The following CTNNA2 variants were observed in gnomAD, a reference collection of about 807,000 sequenced individuals.
CTNNA2 encodes catenin alpha 2, also known as catenin alpha-2.
In CTNNA2, 42 loss-of-function variants were observed where a neutral mutation model predicts 101.0. That is an observed-to-expected ratio of 0.42 (90% CI 0.32 to 0.54). CTNNA2 has a LOEUF of 0.54. Ranked by LOEUF, CTNNA2 falls within the 20% of genes least tolerant of loss-of-function variation. CTNNA2 has a pLI of 0.14. For missense variants in CTNNA2, 871 were observed against 1,223.1 expected, an observed-to-expected ratio of 0.71 and a Z score of 4.29; for synonymous variants, 450 against 456.4, an observed-to-expected ratio of 0.99 and a Z score of 0.18.
chr2:80,596,276 G>GTTTTTTTTT (rs1257706829), intron 15 of CTNNA2, among the ~76,000 whole-genome samples: 1 of 52,268 alleles, frequency 1.9e-5, no homozygotes, highest in Non-Finnish European at 4.1e-5. Context: ...CTGAGACAAG[G>GTTTTTTTTT]TTGTTTTTTT....
intron 14 of CTNNA2, 41 bp downstream of exon 14, chr2:80,581,860 C>A (rs199701407): frequency 2.6e-6 from 3 of 1,161,856 alleles, no homozygotes; most frequent in East Asian, 2.3e-5. Flanking sequence ...ACACAGGGAC[C>A]GTGTTTACTA....
chr2:80,043,065 T>C (rs532151920), intron 7 of CTNNA2, among the ~76,000 whole-genome samples: 7 of 52,668 alleles, frequency 1.3e-4, no homozygotes, highest in African/African-American at 5.5e-4. Context: ...CTTTCTTTCT[T>C]TCTTTCTTTC....
intron 7 of CTNNA2, among the ~76,000 whole-genome samples, chr2:80,350,174 T>C (rs1269494378): frequency 1.3e-5 from 2 of 152,134 alleles, no homozygotes; most frequent in Non-Finnish European, 2.9e-5. Context: ...TTTGAGTGGA[T>C]AAATTTTCAG....
chr2:80,617,104 A>T (rs1434943068), intron 17 of CTNNA2, among the ~76,000 whole-genome samples: 1 of 151,760 alleles, frequency 6.6e-6, no homozygotes, highest in Non-Finnish European at 1.5e-5. Context: ...GGTAGTAAAA[A>T]CTTAAGGTGT....
At chr2:80,562,064 C>T (rs1693650651) in intron 12 of CTNNA2, among the ~76,000 whole-genome samples, 1 of 146,872 alleles carries the variant, frequency 6.8e-6, no homozygotes, top group African/African-American at 2.5e-5. Flanking sequence ...TAGTTTTATC[C>T]CTCTTTTGAA....
At chr2:80,348,302 G>T (rs1411350824) in intron 7 of CTNNA2, among the ~76,000 whole-genome samples, 1 of 152,062 alleles carries the variant, frequency 6.6e-6, no homozygotes, top group African/African-American at 2.4e-5. Flanking sequence ...GGTTTATATG[G>T]TTATTCTAGA....
chr2:79,317,523 G>A (rs1376639966), intron 3 of CTNNA2, among the ~76,000 whole-genome samples: 1 of 151,976 alleles, frequency 6.6e-6, no homozygotes, highest in Non-Finnish European at 1.5e-5. Flanking sequence ...CTAGTAACTC[G>A]ATAAATGTGG....
intron 7 of CTNNA2, among the ~76,000 whole-genome samples, chr2:80,010,317 GATT>G (rs538434771): frequency 6.6e-6 from 1 of 151,850 alleles, no homozygotes; most frequent in Non-Finnish European, 1.5e-5. Flanking sequence ...TGTGTTAAGT[GATT>G]ATTATTATTA....
At chr2:80,038,202 G>A (rs1262176321) in intron 7 of CTNNA2, among the ~76,000 whole-genome samples, 1 of 152,180 alleles carries the variant, frequency 6.6e-6, no homozygotes, top group Non-Finnish European at 1.5e-5. Context: ...ATCCTGCTAA[G>A]ATGAGCACAG....
At chr2:79,197,805 C>T (rs1432771816) in intron 1 of CTNNA2, among the ~76,000 whole-genome samples, 3 of 152,320 alleles carry the variant, frequency 2.0e-5, no homozygotes, top group Admixed American at 6.5e-5. Flanking sequence ...GACGGAGTCT[C>T]GCTTTGTCGC....
chr2:79,708,628 A>G (rs1050887720), intron 2 of CTNNA2, among the ~76,000 whole-genome samples: 2 of 152,116 alleles, frequency 1.3e-5, no homozygotes, highest in African/African-American at 2.4e-5. Flanking sequence ...TTAAAATTAT[A>G]TTATTTAACT....
intron 7 of CTNNA2, among the ~76,000 whole-genome samples, chr2:80,128,753 C>T (rs1380481360): frequency 2.6e-5 from 4 of 152,124 alleles, no homozygotes; most frequent in African/African-American, 9.7e-5. Context: ...TCTGTTCCAT[C>T]TATATGACCC....
chr2:79,646,553 G>A (rs1192393817), intron 1 of CTNNA2, among the ~76,000 whole-genome samples: 3 of 105,872 alleles, frequency 2.8e-5, no homozygotes, highest in East Asian at 3.3e-4. Flanking sequence ...TTTTGAGAAA[G>A]GATCTCATTC....
intron 7 of CTNNA2, among the ~76,000 whole-genome samples, chr2:80,118,416 A>G (rs1701645663): frequency 6.6e-6 from 1 of 152,230 alleles, no homozygotes; most frequent in South Asian, 2.1e-4. Context: ...AAATAGCAGA[A>G]ATCAGAAACT....
chr2:79,548,929 G>C (rs1374900589), intron 1 of CTNNA2, among the ~76,000 whole-genome samples: 1 of 152,140 alleles, frequency 6.6e-6, no homozygotes, highest in Non-Finnish European at 1.5e-5. Flanking sequence ...AGGCACTTGA[G>C]CTGACCCCTG....
intron 15 of CTNNA2, among the ~76,000 whole-genome samples, chr2:80,591,243 G>A: frequency 6.6e-6 from 1 of 152,018 alleles, no homozygotes; most frequent in East Asian, 1.9e-4. Flanking sequence ...AGTTTCATAG[G>A]GATTTCATAT....
chr2:80,480,432 T>A (rs1273326336), intron 9 of CTNNA2, among the ~76,000 whole-genome samples: 1 of 152,174 alleles, frequency 6.6e-6, no homozygotes, highest in Non-Finnish European at 1.5e-5. Context: ...AATATTCCTG[T>A]AAGAGTTTCC....
chr2:79,574,221 T>C (rs1181764478), intron 1 of CTNNA2: 1 of 152,200 alleles, frequency 6.6e-6, no homozygotes, highest in Non-Finnish European at 1.5e-5. Context: ...TTTTCTTCTT[T>C]TAACATTTAT....
At position 79,288,631 on chromosome 2, in the gene CTNNA2, T is replaced by C. The variant is rs80019505; in HGVS notation, c.-405-24078T>C. 6.2e-3 allele frequency among the ~76,000 whole-genome samples: 951 copies of C among 152,302 alleles called. 4 individuals are homozygous for C. The highest frequency in any genetic ancestry group is 0.011 in the Non-Finnish European group (727 of 68,012). On this transcript the variant is annotated intron_variant, in intron 2 of 21. Coordinates refer to the CTNNA2 transcript ENST00000466387. ...TCTCTCTCTCCACATGGTCTTTCCA[T>C]GTGGCTAGCTTAAGCTTCCTCATAC... is the stretch of plus-strand genomic sequence containing the variant.
Sources: gnomAD v4.1 joint callset for allele counts (sites outside exome capture counted in the v4.1 genomes callset) on GRCh38, gnomAD v4.1.1 for gene constraint, MANE v1.5 for transcripts, NCBI Gene and HGNC (gene_info 2026-07-23, HGNC 2026-07-21) for gene names.